The following FAT3 variants were observed in gnomAD, a reference collection of about 807,000 sequenced individuals.
The protein encoded by FAT3 is protocadherin Fat 3.
In FAT3, 95 loss-of-function variants were observed where a neutral mutation model predicts 310.2. That is an observed-to-expected ratio of 0.31 (90% CI 0.26 to 0.36). FAT3 has a LOEUF of 0.36. FAT3 is among the 10% of genes least tolerant of loss of function. The pLI, the probability that FAT3 is intolerant of heterozygous loss-of-function variation, is 1.00. For synonymous variants in FAT3, 2,314 were observed against 2,192.9 expected, an observed-to-expected ratio of 1.06 and a Z score of -1.54; for missense variants, 5,408 against 5,715.6, an observed-to-expected ratio of 0.95 and a Z score of 1.74.
intron 6 of FAT3, among the ~76,000 whole-genome samples, chr11:92,770,920 G>A (rs575763093): frequency 6.6e-6 from 1 of 152,184 alleles, no homozygotes; most frequent in South Asian, 2.1e-4. Context: ...TTTAACTTTA[G>A]AATCCAATAG....
At chr11:92,785,141 C>T (rs530732272) in intron 7 of FAT3, among the ~76,000 whole-genome samples, 1 of 152,190 alleles carries the variant, frequency 6.6e-6, no homozygotes, top group African/African-American at 2.4e-5. Context: ...GGTGGTAGCA[C>T]CACCATTTGT....
At chr11:92,484,766 G>T (rs1031128280) in intron 2 of FAT3, among the ~76,000 whole-genome samples, 1 of 152,134 alleles carries the variant, frequency 6.6e-6, no homozygotes, top group African/African-American at 2.4e-5. Context: ...CTATATGTTC[G>T]CTTCTACGCT....
chr11:92,521,933 T>C (rs1296067518), intron 2 of FAT3, among the ~76,000 whole-genome samples: 1 of 152,104 alleles, frequency 6.6e-6, no homozygotes, highest in African/African-American at 2.4e-5. Context: ...GGTATGCATT[T>C]ATCCCCTCAG....
chr11:92,429,316 G>A (rs1018520291), intron 2 of FAT3, among the ~76,000 whole-genome samples: 16 of 152,050 alleles, frequency 1.1e-4, no homozygotes, highest in Admixed American at 9.2e-4. Context: ...AAAGGGATGG[G>A]ACTTAACTCT....
At chr11:92,351,699 G>T (rs753275809) in intron 1 of FAT3, among the ~76,000 whole-genome samples, 30 of 151,778 alleles carry the variant, frequency 2.0e-4, no homozygotes, top group Non-Finnish European at 3.2e-4. Context: ...TGCTATAACA[G>T]ATAATTGTCT....
chr11:92,729,487 C>T (rs1378317180), intron 4 of FAT3, among the ~76,000 whole-genome samples: 3 of 146,950 alleles, frequency 2.0e-5, no homozygotes, highest in East Asian at 2.0e-4. Context: ...AGTGCAGTGG[C>T]GTGATCTCGG....
At chr11:92,836,786 T>C in intron 16 of FAT3, 83 bp downstream of exon 16, 1 of 1,492,730 alleles carries the variant, frequency 6.7e-7, no homozygotes, top group East Asian at 2.3e-5. Flanking sequence ...CGGGTGTAAA[T>C]AGGAAAGTTC....
intron 6 of FAT3, among the ~76,000 whole-genome samples, chr11:92,771,266 G>GA (rs1005737119): frequency 6.6e-6 from 1 of 152,144 alleles, no homozygotes; most frequent in African/African-American, 2.4e-5. Context: ...TGCTGCTAGT[G>GA]AAAATGGACT....
chr11:92,546,263 G>A (rs1282052728), intron 3 of FAT3, among the ~76,000 whole-genome samples: 3 of 152,174 alleles, frequency 2.0e-5, no homozygotes, highest in African/African-American at 7.2e-5. Flanking sequence ...GTGTTTAAGG[G>A]AACGTAAAGG....
rs141892649 is a variant in FAT3 at position 92,229,331 on chromosome 11, A to C, written c.-18+4157A>C. Among the ~76,000 whole-genome samples the C allele has an allele frequency of 6.3e-3, 939 of 148,820 alleles. 12 individuals carry two copies. Among genetic ancestry groups the C allele is most frequent in the African/African-American group, 0.022 (887 of 40,458 alleles). On this transcript the variant is annotated intron_variant, in intron 1 of 27. Transcript: ENST00000525166. ...TCTTGAGGATCACCACAGTGTGACA[A>C]CTTTCTCTGGGAAGACTCAGAGAGT...
chr11:92,583,508 T>C (rs1938937763), intron 3 of FAT3, among the ~76,000 whole-genome samples: 1 of 152,022 alleles, frequency 6.6e-6, no homozygotes, highest in South Asian at 2.1e-4. Context: ...CCAGGAACCT[T>C]AGCAAAACCG....
At chr11:92,559,310 A>T (rs979879717) in intron 3 of FAT3, 17 of 194,084 alleles carry the variant, frequency 8.8e-5, no homozygotes, top group Non-Finnish European at 4.4e-5. Flanking sequence ...TTATGCCCTG[A>T]GCCCCAAGCA....
intron 2 of FAT3, among the ~76,000 whole-genome samples, chr11:92,397,654 T>G (rs986179300): frequency 1.3e-5 from 2 of 152,128 alleles, no homozygotes; most frequent in Non-Finnish European, 2.9e-5. Flanking sequence ...TCCGTTTAAT[T>G]GTGCTGCTCT....
chr11:92,642,769 A>C (rs1248467507), intron 3 of FAT3, among the ~76,000 whole-genome samples: 1 of 152,212 alleles, frequency 6.6e-6, no homozygotes, highest in Non-Finnish European at 1.5e-5. Context: ...GCTGACATTT[A>C]GCCAGCAAAA....
intron 3 of FAT3, among the ~76,000 whole-genome samples, chr11:92,598,365 A>G (rs57555884): frequency 0.027 from 4,161 of 151,914 alleles, 210 homozygotes; most frequent in African/African-American, 0.095. Context: ...AGCTGGGACT[A>G]TAGGTGCATG....
At chr11:92,886,423 A>T (rs1377683186) in intron 24 of FAT3, among the ~76,000 whole-genome samples, 2 of 152,106 alleles carry the variant, frequency 1.3e-5, no homozygotes, top group East Asian at 1.9e-4. Context: ...GGTTAAGGGC[A>T]TATCCACACC....
At chr11:92,757,625 T>C (rs1479363387) in intron 4 of FAT3, among the ~76,000 whole-genome samples, 2 of 152,136 alleles carry the variant, frequency 1.3e-5, no homozygotes, top group African/African-American at 4.8e-5. Context: ...CCATTAATCA[T>C]TGTTGATTAA....
At chr11:92,548,313 G>A (rs1954684991) in intron 3 of FAT3, among the ~76,000 whole-genome samples, 1 of 152,112 alleles carries the variant, frequency 6.6e-6, no homozygotes, top group Non-Finnish European at 1.5e-5. Flanking sequence ...TGAGACCTTT[G>A]AACAGTGGGT....
intron 2 of FAT3, among the ~76,000 whole-genome samples, chr11:92,462,872 T>A (rs1951669670): frequency 6.6e-6 from 1 of 152,240 alleles, no homozygotes; most frequent in Admixed American, 6.5e-5. Flanking sequence ...GTACTTCTTG[T>A]TCTCATCTGT....
Sources: gnomAD v4.1 joint callset for allele counts (sites outside exome capture counted in the v4.1 genomes callset) on GRCh38, gnomAD v4.1.1 for gene constraint, MANE v1.5 for transcripts, NCBI Gene and HGNC (gene_info 2026-07-23, HGNC 2026-07-21) for gene names.